CALN1: variants seen among roughly 807,000 people sequenced by gnomAD.
CALN1 encodes the protein calneuron 1.
Under a neutral mutation model 30.6 loss-of-function variants are expected in CALN1, and 17 were observed. The ratio of observed to expected loss-of-function variants is 0.56; its 90% CI spans 0.38 to 0.83. CALN1 has a LOEUF of 0.83. CALN1 is among the 40% of genes least tolerant of loss of function. CALN1 has a pLI of 0.00. For synonymous variants in CALN1, 156 were observed against 131.4 expected (o/e 1.19, Z -1.28); for missense variants, 291 against 354.9 (o/e 0.82, Z 1.45).
intron 3 of CALN1, 140 bp from the exon 4 acceptor site, chr7:72,106,434 A>G (rs1807115241): frequency 5.1e-6 from 5 of 979,792 alleles, no homozygotes; most frequent in African/African-American, 1.6e-5. Context: ...GATAAAAGGG[A>G]GGACAGAAGA....
chr7:72,373,074 T>C (rs961472595), intron 2 of CALN1, among the ~76,000 whole-genome samples: 2 of 152,184 alleles, frequency 1.3e-5, no homozygotes, highest in African/African-American at 4.8e-5. Flanking sequence ...AGAATGACCA[T>C]GTGGAAATTT....
intron 5 of CALN1, among the ~76,000 whole-genome samples, chr7:72,001,334 C>T (rs192540001): frequency 3.3e-5 from 5 of 152,318 alleles, no homozygotes; most frequent in Admixed American, 6.5e-5. Context: ...TGAATGGGCT[C>T]GTGTATGTGC....
intron 5 of CALN1, among the ~76,000 whole-genome samples, chr7:71,906,637 C>G (rs1794152228): frequency 6.6e-6 from 1 of 152,094 alleles, no homozygotes; most frequent in Admixed American, 6.5e-5. Flanking sequence ...AGTCAAGCAC[C>G]AACAAGCTTA....
chr7:72,169,776 A>G (rs1419336395), intron 3 of CALN1, among the ~76,000 whole-genome samples: 1 of 146,794 alleles, frequency 6.8e-6, no homozygotes, highest in Non-Finnish European at 1.5e-5. Flanking sequence ...TGCAACTTCC[A>G]CCTCCTGGGT....
chr7:71,886,773 CA>C (rs1314583586), intron 5 of CALN1, among the ~76,000 whole-genome samples: 9,754 of 98,266 alleles, frequency 0.099, 849 homozygotes, highest in African/African-American at 0.27. Context: ...GACTCCATCT[CA>C]AAAAAAAAAA....
chr7:71,811,053 C>T (rs1354909410), intron 5 of CALN1, among the ~76,000 whole-genome samples: 1 of 152,032 alleles, frequency 6.6e-6, no homozygotes, highest in Non-Finnish European at 1.5e-5. Flanking sequence ...CGCCACCACG[C>T]CCGGCTAATT....
At chr7:72,398,954 G>A (rs574528364) in intron 2 of CALN1, among the ~76,000 whole-genome samples, 134 of 152,324 alleles carry the variant, frequency 8.8e-4, no homozygotes, top group Non-Finnish European at 1.4e-3. Flanking sequence ...CTGCTAGAGT[G>A]TCCTTTCAGA....
At chr7:72,204,308 C>T (rs999286669) in intron 3 of CALN1, among the ~76,000 whole-genome samples, 1 of 151,832 alleles carries the variant, frequency 6.6e-6, no homozygotes, top group Non-Finnish European at 1.5e-5. Context: ...GCCAAGAGGA[C>T]TCTTTTTTAA....
chr7:72,278,913 T>C, intron 2 of CALN1, 103 bp from the exon 3 acceptor site: 1 of 1,440,184 alleles, frequency 6.9e-7, no homozygotes, highest in South Asian at 1.3e-5. Flanking sequence ...CAGTGTCATT[T>C]TAAAAATAGC....
At chr7:72,158,672 G>A (rs1160973723) in intron 3 of CALN1, among the ~76,000 whole-genome samples, 1 of 152,156 alleles carries the variant, frequency 6.6e-6, no homozygotes, top group Admixed American at 6.5e-5. Context: ...TTTGCTTGAT[G>A]TGTATCTGCA....
intron 4 of CALN1, among the ~76,000 whole-genome samples, chr7:72,050,544 G>T (rs577909391): frequency 6.6e-6 from 1 of 152,068 alleles, no homozygotes; most frequent in African/African-American, 2.4e-5. Context: ...TTGAAGCAGA[G>T]CCCTAGATCA....
chr7:72,442,418 C>T (rs1808376207), intron 1 of CALN1, among the ~76,000 whole-genome samples: 1 of 152,252 alleles, frequency 6.6e-6, no homozygotes, highest in East Asian at 1.9e-4. Flanking sequence ...TTTAGGATTG[C>T]ACTTTATTAA....
At position 71,825,260 on chromosome 7, in the gene CALN1, C is replaced by T. The variant is rs554290487; in HGVS notation, c.502-14768G>A. ...CAAATCTCATCTTGAATTGTAGTTC[C>T]CATAATTCCTGTGTGTTGTAGGAGG... On this transcript the variant is annotated intron_variant, in intron 5 of 6. Transcript: ENST00000395275. 5.9e-5 allele frequency among the ~76,000 whole-genome samples: 9 copies of T among 152,222 alleles called. No individual in the cohort carries two copies. In the East Asian group the frequency reaches 1.7e-3, roughly 29 times the overall value.
intron 5 of CALN1, among the ~76,000 whole-genome samples, chr7:71,817,876 CTTT>C (rs879296240): frequency 6.8e-6 from 1 of 146,170 alleles, no homozygotes; most frequent in Admixed American, 6.9e-5. Flanking sequence ...TATAAACTTA[CTTT>C]TTTTTTTTTG....
At chr7:72,443,666 G>T (rs7809631) in intron 1 of CALN1, among the ~76,000 whole-genome samples, 45,360 of 151,180 alleles carry the variant, frequency 0.3, 7,715 homozygotes, top group African/African-American at 0.46. Flanking sequence ...CATCCTCCCA[G>T]GATCCACTAG....
At chr7:72,042,669 G>A (rs1011276213) in intron 4 of CALN1, among the ~76,000 whole-genome samples, 1 of 152,124 alleles carries the variant, frequency 6.6e-6, no homozygotes, top group African/African-American at 2.4e-5. Flanking sequence ...CCAACAGATT[G>A]AGGCTGCAGT....
At chr7:72,271,563 T>TAAAAAAAAAAAAA (rs1426004146) in intron 3 of CALN1, among the ~76,000 whole-genome samples, 21 of 76,294 alleles carry the variant, frequency 2.8e-4, no homozygotes, top group Non-Finnish European at 4.0e-4. Context: ...TGCCTGCCTT[T>TAAAAAAAAAAAAA]TAAAAAAAAA....
In CALN1 at chr7:72,407,052, C is replaced by G. The variant is rs78561817; in HGVS notation, c.-73-3610G>C. The stretch of plus-strand genomic sequence containing the variant: ...CTTATCCACCCAAAAAGTGATGTAG[C>G]CCTGGGTCTACGCTTTGAGTACTCT... On this transcript the variant is annotated intron_variant, in intron 1 of 6. Transcript: ENST00000395275. Among the ~76,000 whole-genome samples, 9 of 152,272 alleles carry G rather than the reference C, an allele frequency of 5.9e-5. No homozygotes were observed. The South Asian group carries it at 1.7e-3, about 28-fold the overall frequency.
At chr7:71,797,896 C>T (rs996676137) in intron 6 of CALN1, among the ~76,000 whole-genome samples, 2 of 152,108 alleles carry the variant, frequency 1.3e-5, no homozygotes, top group Non-Finnish European at 2.9e-5. Context: ...GCAGTAGGCA[C>T]CTGAGTTAAT....
Sources: allele counts gnomAD v4.1 joint callset (sites outside exome capture counted in the v4.1 genomes callset), GRCh38; gene constraint gnomAD v4.1.1; transcripts MANE v1.5; gene names NCBI Gene and HGNC (gene_info 2026-07-23, HGNC 2026-07-21).